The following RYR3 variants were observed in gnomAD, a reference collection of about 807,000 sequenced individuals.
RYR3 encodes ryanodine receptor 3, also known as brain ryanodine receptor-calcium release channel.
RYR3 carries 207 observed loss-of-function variants against 584.3 expected under a neutral mutation model. The ratio of observed to expected loss-of-function variants is 0.35; its 90% CI spans 0.32 to 0.40. RYR3 has a LOEUF of 0.40. Ranked by LOEUF, RYR3 falls within the 10% of genes least tolerant of loss-of-function variation. The pLI is 1.00. For missense variants in RYR3, 5,616 were observed against 6,089.2 expected (o/e 0.92, Z 2.59); for synonymous variants, 2,416 against 2,248.5 (o/e 1.07, Z -2.11).
intron 1 of RYR3, among the ~76,000 whole-genome samples, chr15:33,433,425 A>G (rs574864896): frequency 6.6e-6 from 1 of 152,180 alleles, no homozygotes; most frequent in African/African-American, 2.4e-5. Flanking sequence ...TAATAAGTAC[A>G]TATTACGTTC....
chr15:33,569,610 A>G (rs2057910731), intron 12 of RYR3, among the ~76,000 whole-genome samples: 1 of 152,200 alleles, frequency 6.6e-6, no homozygotes, highest in Admixed American at 6.5e-5. Context: ...TCCATTCTAT[A>G]TAAATACCAT....
intron 16 of RYR3, among the ~76,000 whole-genome samples, chr15:33,599,977 C>G (rs915061595): frequency 6.6e-6 from 1 of 152,200 alleles, no homozygotes; most frequent in Non-Finnish European, 1.5e-5. Context: ...ACAGCCATCA[C>G]TCCAAGGCAA....
intron 8 of RYR3, among the ~76,000 whole-genome samples, chr15:33,545,199 C>A (rs1388270300): frequency 6.6e-6 from 1 of 152,052 alleles, no homozygotes; most frequent in East Asian, 1.9e-4. Flanking sequence ...TGGGCATGCC[C>A]CCACCCACAT....
At chr15:33,695,817 A>G (rs1312846296) in intron 38 of RYR3, among the ~76,000 whole-genome samples, 2 of 151,344 alleles carry the variant, frequency 1.3e-5, no homozygotes, top group African/African-American at 4.9e-5. Flanking sequence ...ACAGAGTCTC[A>G]CTCTGTTGCC....
intron 1 of RYR3, among the ~76,000 whole-genome samples, chr15:33,426,873 C>T (rs547708892): frequency 3.9e-5 from 6 of 152,214 alleles, no homozygotes; most frequent in Admixed American, 1.3e-4. Context: ...TCTGGGTTGC[C>T]GACTGCTGGC....
chr15:33,826,904 A>G (rs1189536573), intron 84 of RYR3, among the ~76,000 whole-genome samples, 152 bp downstream of exon 84: 1 of 152,146 alleles, frequency 6.6e-6, no homozygotes, highest in African/African-American at 2.4e-5. Context: ...TATCATGGCT[A>G]GTGATATTTA....
intron 67 of RYR3, among the ~76,000 whole-genome samples, chr15:33,796,759 C>G (rs986267074): frequency 1.3e-5 from 2 of 152,138 alleles, no homozygotes; most frequent in African/African-American, 4.8e-5. Context: ...AGCATCTACC[C>G]AAAGGAAATG....
At chr15:33,807,421 T>G in intron 69 of RYR3, 134 bp from the exon 70 acceptor site, 5 of 861,040 alleles carry the variant, frequency 5.8e-6, no homozygotes, top group East Asian at 2.7e-5. Context: ...TCCAGAACCA[T>G]TGAGTTTCTG....
At chr15:33,750,483 C>T (rs1240771860) in intron 57 of RYR3, among the ~76,000 whole-genome samples, 197 bp downstream of exon 57, 1 of 152,110 alleles carries the variant, frequency 6.6e-6, no homozygotes, top group African/African-American at 2.4e-5. Context: ...AGATCAGTGA[C>T]AACAAAGAAT....
At chr15:33,385,704 TCTTTTC>T (rs2041547953) in intron 1 of RYR3, among the ~76,000 whole-genome samples, 1 of 84,514 alleles carries the variant, frequency 1.2e-5, no homozygotes, top group South Asian at 4.1e-4. Flanking sequence ...TTTTTCTTTT[TCTTTTC>T]TTTTTTTTTT....
rs140436171 is a variant in RYR3 at position 33,396,340 on chromosome 15, G to A, written c.52-77079G>A. 8.6e-3 allele frequency among the ~76,000 whole-genome samples: 1,310 copies of A among 152,238 alleles called. 8 individuals carry two copies. Among genetic ancestry groups the A allele is most frequent in the Non-Finnish European group, 0.013 (909 of 68,018 alleles). ...CCAAACCCGTCAGTGTTTTGTGGTT[G>A]ACACCCTGCATGTCATCTCCCACCT... is the stretch of plus-strand genomic sequence containing the variant. On this transcript the variant is annotated intron_variant, in intron 1 of 103. Coordinates refer to ENST00000634891, the MANE Select transcript of RYR3 (RefSeq NM_001036.6).
intron 1 of RYR3, among the ~76,000 whole-genome samples, chr15:33,370,557 A>C (rs993135045): frequency 2.0e-5 from 3 of 152,142 alleles, no homozygotes; most frequent in Non-Finnish European, 4.4e-5. Flanking sequence ...GTAGGTAATC[A>C]CTTTTGTGGC....
In RYR3 at chr15:33,466,319, A is replaced by G. The variant is rs144803943; in HGVS notation, c.52-7100A>G. Among the ~76,000 whole-genome samples the G allele has an allele frequency of 4.2e-3, 639 of 152,332 alleles. 2 individuals carry two copies. The highest frequency in any genetic ancestry group is 5.4e-3 in the Non-Finnish European group (369 of 68,030). ...TGCTAGTGAACAGAAAAAACAAAAT[A>G]GTATCCTACAAGCCAAATGAAGAAA... On this transcript the variant is annotated intron_variant, in intron 1 of 103. Coordinates refer to ENST00000634891, the MANE Select transcript of RYR3 (RefSeq NM_001036.6).
intron 1 of RYR3, among the ~76,000 whole-genome samples, chr15:33,368,569 A>G (rs1363737389): frequency 1.3e-5 from 2 of 152,020 alleles, no homozygotes; most frequent in Non-Finnish European, 2.9e-5. Context: ...ACATGGATGG[A>G]TGAGCCTCCT....
intron 27 of RYR3, among the ~76,000 whole-genome samples, chr15:33,639,173 G>C (rs774046052): frequency 3.3e-5 from 5 of 152,192 alleles, no homozygotes; most frequent in African/African-American, 4.8e-5. Flanking sequence ...TTTAATGAAA[G>C]TGATGTCCCA....
At chr15:33,820,700 G>A in intron 77 of RYR3, 56 bp from the exon 78 acceptor site, 1 of 1,458,508 alleles carries the variant, frequency 6.9e-7, no homozygotes, top group Non-Finnish European at 9.5e-7. Context: ...GTGTTTATTA[G>A]ATTTCCCTTT....
chr15:33,546,523 AGGTAAC>A, intron 8 of RYR3, among the ~76,000 whole-genome samples: 1 of 152,270 alleles, frequency 6.6e-6, no homozygotes, highest in South Asian at 2.1e-4. Flanking sequence ...CACCTTCCAG[AGGTAAC>A]CATTGTTGAT....
rs1478551312 is a variant in RYR3, at chr15:33,865,364, G to A, written c.*138G>A. The A allele has an allele frequency of 3.1e-6, 2 of 647,280 alleles. No homozygotes were observed. The highest frequency in any genetic ancestry group is 5.3e-6 in the Non-Finnish European group (2 of 379,026). 40.1% of individuals were successfully genotyped at this position (647,280 alleles called of 1,614,324 possible). ...TTAAAAAAAAAACTGCTGAAAATCT[G>A]TGCTATTTTGAAATTGATTTGGCTT... On this transcript the variant is annotated 3_prime_UTR_variant, in exon 104 of 104. Transcript: ENST00000634891.
At chr15:33,862,185 C>G (rs1287693704) in intron 102 of RYR3, among the ~76,000 whole-genome samples, 1 of 151,214 alleles carries the variant, frequency 6.6e-6, no homozygotes, top group Non-Finnish European at 1.5e-5. Context: ...GCTCTTCCCC[C>G]TTCTCTCTCT....
Sources: allele counts gnomAD v4.1 joint callset (sites outside exome capture counted in the v4.1 genomes callset), GRCh38; gene constraint gnomAD v4.1.1; transcripts MANE v1.5; gene names NCBI Gene and HGNC (gene_info 2026-07-23, HGNC 2026-07-21).